C12orf42: variants seen among roughly 807,000 people sequenced by gnomAD.
C12orf42 encodes the protein uncharacterized protein C12orf42.
A neutral mutation model predicts 21.6 loss-of-function variants in C12orf42; 25 were observed. The ratio of observed to expected loss-of-function variants is 1.16; its 90% CI spans 0.84 to 1.62. The LOEUF (loss-of-function observed/expected upper bound fraction) is 1.62. Ranked by LOEUF, C12orf42 falls within the 40% of genes most tolerant of loss-of-function variation. The pLI, the probability that C12orf42 is intolerant of heterozygous loss-of-function variation, is 0.00. For synonymous variants in C12orf42, 174 were observed against 175.0 expected (o/e 0.99, Z 0.05); for missense variants, 483 against 459.3 (o/e 1.05, Z -0.47).
chr12:103,055,649 T>C, the C12orf42 span, among the ~76,000 whole-genome samples: 2 of 152,010 alleles, frequency 1.3e-5, no homozygotes, highest in African/African-American at 4.8e-5. Flanking sequence ...CTTTATTAGT[T>C]TGAAATGTTT....
the C12orf42 span, among the ~76,000 whole-genome samples, chr12:103,148,391 T>C: frequency 6.6e-6 from 1 of 152,168 alleles, no homozygotes; most frequent in Non-Finnish European, 1.5e-5. Flanking sequence ...ATAGTTCTAA[T>C]TACATTTTAA....
At chr12:103,480,993 A>C (rs1209399765) in intron 1 of C12orf42, among the ~76,000 whole-genome samples, 1 of 151,618 alleles carries the variant, frequency 6.6e-6, no homozygotes, top group Non-Finnish European at 1.5e-5. Context: ...ATCTCCCACT[A>C]ATGTATTGGG....
At chr12:103,103,718 A>T in the C12orf42 span, among the ~76,000 whole-genome samples, 19 of 152,314 alleles carry the variant, frequency 1.2e-4, no homozygotes, top group East Asian at 3.5e-3. Flanking sequence ...TATTAAAACG[A>T]TTACAATAAT....
intron 10 of C12orf42, among the ~76,000 whole-genome samples, chr12:103,253,765 C>A (rs2034420766): frequency 6.6e-6 from 1 of 152,044 alleles, no homozygotes; most frequent in Admixed American, 6.6e-5. Context: ...AATTCTTGCC[C>A]CATGATCTCA....
chr12:103,362,901 T>C (rs1349551405), intron 4 of C12orf42, among the ~76,000 whole-genome samples: 1 of 151,776 alleles, frequency 6.6e-6, no homozygotes, highest in Non-Finnish European at 1.5e-5. Context: ...AGAAGAGAAA[T>C]CTAAAAGTTT....
At chr12:103,112,956 G>A in the C12orf42 span, among the ~76,000 whole-genome samples, 1 of 152,166 alleles carries the variant, frequency 6.6e-6, no homozygotes, top group East Asian at 1.9e-4. Flanking sequence ...TGTTCATTAA[G>A]CATTTGTTGA....
the C12orf42 span, among the ~76,000 whole-genome samples, chr12:103,126,875 T>C: frequency 5.9e-5 from 9 of 152,336 alleles, no homozygotes; most frequent in African/African-American, 2.2e-4. Context: ...TGATGAGTGC[T>C]AGGTGCTCAA....
downstream of C12orf42, among the ~76,000 whole-genome samples, chr12:103,233,919 T>C (rs1593183428): frequency 6.6e-6 from 1 of 152,202 alleles, no homozygotes; most frequent in African/African-American, 2.4e-5. Flanking sequence ...AAGTACAGTA[T>C]TAGCTATAGG....
intron 3 of C12orf42, among the ~76,000 whole-genome samples, chr12:103,382,110 G>A (rs551080266): frequency 3.2e-4 from 48 of 152,230 alleles, no homozygotes; most frequent in African/African-American, 1.1e-3. Flanking sequence ...TGAGTAGCAG[G>A]TGCCACCAAT....
intron 2 of C12orf42, among the ~76,000 whole-genome samples, chr12:103,473,794 A>G (rs1250825282): frequency 6.6e-6 from 1 of 152,088 alleles, no homozygotes; most frequent in Non-Finnish European, 1.5e-5. Context: ...GCCATATTGT[A>G]TTTCTTTGTA....
chr12:103,364,311 A>G (rs776363378), intron 4 of C12orf42, among the ~76,000 whole-genome samples: 5 of 152,120 alleles, frequency 3.3e-5, no homozygotes, highest in African/African-American at 1.2e-4. Context: ...ATAGTGACAC[A>G]ACCCATAAAA....
intron 1 of C12orf42, 140 bp from the exon 2 acceptor site, chr12:103,478,587 T>TG: frequency 3.0e-6 from 1 of 332,310 alleles, no homozygotes; most frequent in Non-Finnish European, 5.4e-6. Flanking sequence ...TCAATAATTT[T>TG]TTTTTTTTTT....
At chr12:103,468,440 T>C (rs1398860133) in intron 2 of C12orf42, among the ~76,000 whole-genome samples, 1 of 152,238 alleles carries the variant, frequency 6.6e-6, no homozygotes, top group Non-Finnish European at 1.5e-5. Context: ...AGGATGGCTA[T>C]GTAATTTTAT....
chr12:103,095,412 A>G, the C12orf42 span, among the ~76,000 whole-genome samples: 1 of 152,148 alleles, frequency 6.6e-6, no homozygotes, highest in Non-Finnish European at 1.5e-5. Context: ...TGAACACACC[A>G]GGTACTCTTC....
the C12orf42 span, among the ~76,000 whole-genome samples, chr12:103,219,738 G>A: frequency 1.3e-5 from 2 of 152,060 alleles, no homozygotes; most frequent in African/African-American, 2.4e-5. Flanking sequence ...TTAGAATGGC[G>A]ATCATTAAAA....
At chr12:103,377,788 G>A (rs967548485) in intron 3 of C12orf42, among the ~76,000 whole-genome samples, 3 of 152,136 alleles carry the variant, frequency 2.0e-5, no homozygotes, top group African/African-American at 2.4e-5. Flanking sequence ...TTTCTGGGGG[G>A]TAGCATGAAT....
chr12:103,383,517 C>T (rs1015262737), intron 3 of C12orf42, among the ~76,000 whole-genome samples: 17 of 152,130 alleles, frequency 1.1e-4, no homozygotes, highest in Admixed American at 1.3e-4. Flanking sequence ...AAGAATGGTG[C>T]AATGAATAAA....
the C12orf42 span, among the ~76,000 whole-genome samples, chr12:103,153,350 GGT>G: frequency 1.3e-5 from 2 of 152,016 alleles, no homozygotes; most frequent in Non-Finnish European, 2.9e-5. Flanking sequence ...TAATTAAAAT[GGT>G]GTGTTCTTCA....
At chr12:103,217,094 C>T in the C12orf42 span, among the ~76,000 whole-genome samples, 4 of 152,164 alleles carry the variant, frequency 2.6e-5, no homozygotes, top group East Asian at 1.9e-4. Flanking sequence ...CTCCCCGCCT[C>T]GACCTCCCAA....
Sources: gnomAD v4.1 joint callset for allele counts (sites outside exome capture counted in the v4.1 genomes callset) on GRCh38, gnomAD v4.1.1 for gene constraint, MANE v1.5 for transcripts, NCBI Gene and HGNC (gene_info 2026-07-23, HGNC 2026-07-21) for gene names.